The following GSTCD variants were observed in gnomAD, a reference collection of about 807,000 sequenced individuals.
The protein encoded by GSTCD is glutathione S-transferase C-terminal domain containing.
Under a neutral mutation model 68.3 loss-of-function variants are expected in GSTCD, and 44 were observed. The ratio of observed to expected loss-of-function variants is 0.64; its 90% confidence interval spans 0.51 to 0.83. The LOEUF (loss-of-function observed/expected upper bound fraction) is 0.83, where lower values mean the gene tolerates loss of function less well. Ranked by LOEUF, GSTCD falls within the 40% of genes least tolerant of loss-of-function variation. GSTCD has a pLI of 0.00. For missense variants in GSTCD, 739 were observed against 735.9 expected (o/e 1.00, Z -0.05); for synonymous variants, 273 against 255.2 (o/e 1.07, Z -0.67).
At chr4:105,733,206 G>A (rs543773538) in intron 5 of GSTCD, among the ~76,000 whole-genome samples, 4 of 152,226 alleles carry the variant, frequency 2.6e-5, no homozygotes, top group Admixed American at 1.3e-4. Context: ...TATTTGGTTT[G>A]CTTGGTGTGG....
intron 8 of GSTCD, among the ~76,000 whole-genome samples, chr4:105,829,218 T>C (rs1723796788): frequency 6.7e-6 from 1 of 149,298 alleles, no homozygotes; most frequent in South Asian, 2.1e-4. Context: ...GAAAGGCACC[T>C]ATCCAGGCTT....
At chr4:105,772,532 T>C (rs1040309669) in intron 5 of GSTCD, among the ~76,000 whole-genome samples, 10 of 152,196 alleles carry the variant, frequency 6.6e-5, no homozygotes, top group African/African-American at 2.4e-4. Context: ...ATGTGTTCCA[T>C]CAGTACCTAA....
intron 5 of GSTCD, among the ~76,000 whole-genome samples, chr4:105,750,078 CTTCTA>C (rs540647336): frequency 6.6e-6 from 1 of 152,264 alleles, no homozygotes; most frequent in South Asian, 2.1e-4. Flanking sequence ...ATGAAAATTT[CTTCTA>C]TTTTATCAAT....
rs541328296 is a variant in GSTCD at position 105,742,322 on chromosome 4, T to A, written c.1240+12823T>A. On this transcript the variant is annotated intron_variant, in intron 5 of 11. Coordinates refer to ENST00000515279, the MANE Select transcript of GSTCD (RefSeq NM_001370181.1). The stretch of plus-strand genomic sequence containing the variant: ...TTTACTATTTACATGTCTTTCCTTT[T>A]TTCTTCCAGCCTTGAATATTCTTCT... 5.9e-5 allele frequency among the ~76,000 whole-genome samples: 9 copies of A among 152,346 alleles called. No individual in the cohort carries two copies. In the South Asian group the frequency reaches 1.9e-3, roughly 32 times the overall value.
At chr4:105,827,732 G>T (rs1291319034) in intron 8 of GSTCD, among the ~76,000 whole-genome samples, 2 of 151,980 alleles carry the variant, frequency 1.3e-5, no homozygotes, top group African/African-American at 4.8e-5. Flanking sequence ...TAAATTCATG[G>T]TTTTGTGACA....
At chr4:105,787,187 G>A (rs1458253130) in intron 5 of GSTCD, among the ~76,000 whole-genome samples, 1 of 152,040 alleles carries the variant, frequency 6.6e-6, no homozygotes, top group Non-Finnish European at 1.5e-5. Context: ...TAGAGCAATA[G>A]TTCCCATACT....
intron 4 of GSTCD, among the ~76,000 whole-genome samples, 190 bp downstream of exon 4, chr4:105,727,020 T>A (rs1174216920): frequency 6.6e-6 from 1 of 152,148 alleles, no homozygotes; most frequent in African/African-American, 2.4e-5. Flanking sequence ...TTGAAAACTT[T>A]TAGTATTATG....
intron 5 of GSTCD, among the ~76,000 whole-genome samples, chr4:105,802,505 C>A (rs758987739): frequency 4.6e-5 from 7 of 152,036 alleles, no homozygotes; most frequent in African/African-American, 7.2e-5. Flanking sequence ...CAGGTGAGTT[C>A]TTTGAAATAT....
intron 5 of GSTCD, among the ~76,000 whole-genome samples, chr4:105,753,662 T>A (rs1379472177): frequency 6.6e-6 from 1 of 152,104 alleles, no homozygotes; most frequent in Non-Finnish European, 1.5e-5. Flanking sequence ...TATCAGGGAC[T>A]TGAGCATTCG....
chr4:105,818,460 G>A (rs746948285), intron 5 of GSTCD, among the ~76,000 whole-genome samples: 1 of 151,844 alleles, frequency 6.6e-6, no homozygotes, highest in Admixed American at 6.6e-5. Flanking sequence ...TGTCACTTGT[G>A]TAGAGAGGCT....
At chr4:105,748,942 T>C (rs969655513) in intron 5 of GSTCD, among the ~76,000 whole-genome samples, 1 of 151,976 alleles carries the variant, frequency 6.6e-6, no homozygotes, top group Non-Finnish European at 1.5e-5. Context: ...TAAAATAGAA[T>C]ACTAATTAAT....
Position 105,743,653 on chromosome 4 carries a change from C to CTT in GSTCD, c.1240+14179_1240+14180dup, listed in dbSNP as rs777714268. Among the ~76,000 whole-genome samples the CTT allele has an allele frequency of 9.2e-3, 819 of 88,884 alleles. 64 individuals carry two copies. The highest frequency in any genetic ancestry group is 0.035 in the African/African-American group (691 of 19,698). The allele number at this position is 88,884 out of a possible 152,430, so 58.3% of individuals were successfully genotyped here. On this transcript the variant is annotated intron_variant, in intron 5 of 11. Transcript: ENST00000515279. The stretch of plus-strand genomic sequence containing the variant: ...AAATATTTCCTAAAAACAGGACATT[C>CTT]TTTTTTTTTTTTTTTTTTTTTTTTT...
chr4:105,791,074 GAT>G (rs551121768), intron 5 of GSTCD, among the ~76,000 whole-genome samples: 16 of 152,016 alleles, frequency 1.1e-4, no homozygotes, highest in Admixed American at 3.3e-4. Flanking sequence ...CCATTCCTCT[GAT>G]ATAATAGAGA....
At chr4:105,818,919 T>G (rs1272479863) in intron 5 of GSTCD, among the ~76,000 whole-genome samples, 1 of 151,798 alleles carries the variant, frequency 6.6e-6, no homozygotes, top group Non-Finnish European at 1.5e-5. Context: ...TCCAGATAAT[T>G]TTATGGATAA....
At chr4:105,831,456 A>G (rs1344849785) in intron 8 of GSTCD, among the ~76,000 whole-genome samples, 1 of 152,168 alleles carries the variant, frequency 6.6e-6, no homozygotes, top group Non-Finnish European at 1.5e-5. Context: ...ATAGAGAACT[A>G]AAAAAAGAAG....
Position 105,723,424 on chromosome 4 carries a change from CT to C in GSTCD, c.895-3149del, listed in dbSNP as rs1172568363. 2.0e-5 allele frequency among the ~76,000 whole-genome samples: 3 copies of C among 151,804 alleles called. No homozygotes were observed. The East Asian group carries it at 5.8e-4, about 29-fold the overall frequency. On this transcript the variant is annotated intron_variant, in intron 3 of 11. Transcript: ENST00000515279. ...TGCATCTGTACTGAACATGTACTGACTTTTTTCTTGTCGTGATCCCCTAAAC... is the reference window on the plus strand; with the variant it reads ...TGCATCTGTACTGAACATGTACTGACTTTTTCTTGTCGTGATCCCCTAAAC...
At chr4:105,774,734 G>A (rs573974535) in intron 5 of GSTCD, among the ~76,000 whole-genome samples, 2 of 152,248 alleles carry the variant, frequency 1.3e-5, no homozygotes, top group South Asian at 2.1e-4. Context: ...TTAGTCTGAC[G>A]GGCTTCCCTT....
At chr4:105,740,544 T>G (rs1733600336) in intron 5 of GSTCD, among the ~76,000 whole-genome samples, 1 of 152,106 alleles carries the variant, frequency 6.6e-6, no homozygotes, top group South Asian at 2.1e-4. Flanking sequence ...GTTTAGGCTG[T>G]TTTTGTGGTG....
chr4:105,767,681 CA>C (rs2149240795), intron 5 of GSTCD, among the ~76,000 whole-genome samples: 1 of 152,188 alleles, frequency 6.6e-6, no homozygotes, highest in South Asian at 2.1e-4. Context: ...TTGAAAAAAA[CA>C]AAAACTATAA....
Sources: gnomAD v4.1 joint callset for allele counts (sites outside exome capture counted in the v4.1 genomes callset) on GRCh38, gnomAD v4.1.1 for gene constraint, MANE v1.5 for transcripts, NCBI Gene and HGNC (gene_info 2026-07-23, HGNC 2026-07-21) for gene names.